The following GNPTG variants were observed in gnomAD, a reference collection of about 807,000 sequenced individuals.
The protein encoded by GNPTG is N-acetylglucosamine-1-phosphate transferase subunit gamma.
GNPTG carries 46 observed loss-of-function variants against 43.8 expected under a neutral mutation model. The ratio of observed to expected loss-of-function variants is 1.05; its 90% CI spans 0.83 to 1.34. The LOEUF is 1.34. Among genes scored for constraint, GNPTG ranks in the 40% most tolerant of loss-of-function variants. The pLI is 0.00. For missense variants in GNPTG, 549 were observed against 411.3 expected (o/e 1.33, Z -2.90); for synonymous variants, 250 against 172.8 (o/e 1.45, Z -3.50).
In GNPTG at chr16:1,363,095, T is replaced by C. The variant is rs755243924; in HGVS notation, c.*4T>C. ...AGGACTGCGTGGGAGTTTGTGACCT[T>C]GTGGTGGGAGAGCAGAGGTGGACGC... On this transcript the variant is annotated 3_prime_UTR_variant, in exon 11 of 11. Transcript: ENST00000204679. The C allele has an allele frequency of 2.5e-6, 4 of 1,613,424 alleles. No individual in the cohort carries two copies. In the African/African-American group the frequency reaches 5.3e-5, roughly 22 times the overall value.
chr16:1,361,858 ATC>A lies in GNPTG; in HGVS notation c.234-12_234-11del. 1 of 1,613,952 alleles carries A rather than the reference ATC, an allele frequency of 6.2e-7. No homozygotes were observed. Among genetic ancestry groups the A allele is most frequent in the Non-Finnish European group, 8.5e-7 (1 of 1,180,006 alleles). On this transcript the variant is annotated splice_polypyrimidine_tract_variant and intron_variant, in intron 4 of 10. Coordinates refer to ENST00000204679, the MANE Select transcript of GNPTG (RefSeq NM_032520.5). ...GCAGCCTGCGGACCCCCCTCATGCCATCTGTGTCCCCAGGTACAAGTATGAGT... is the reference window on the plus strand; with the variant it reads ...GCAGCCTGCGGACCCCCCTCATGCCATGTGTCCCCAGGTACAAGTATGAGT...
rs543484921 is a variant in GNPTG, at chr16:1,361,625, C to G, written c.179-118C>G. On this transcript the variant is annotated intron_variant, in intron 3 of 10. Transcript: ENST00000204679. ...TGCCACTGCACTCCAGCCTGGGTGA[C>G]AGAGTGAGACTCCATCTCAAAAAAA... is the stretch of plus-strand genomic sequence containing the variant. 270 of 1,012,732 alleles carry G rather than the reference C, an allele frequency of 2.7e-4. 6 individuals are homozygous for G. In the South Asian group the frequency reaches 3.6e-3, roughly 14 times the overall value. 62.7% of individuals were successfully genotyped at this position (1,012,732 alleles called of 1,614,324 possible). A position where few individuals can be genotyped will look rare whatever the true frequency, so the allele number is the denominator to read the frequency against.
At position 1,361,910 on chromosome 16, in the gene GNPTG, A is replaced by G; in HGVS notation, c.272A>G (p.Gln91Arg). 1 of 1,613,786 alleles carries G rather than the reference A, an allele frequency of 6.2e-7. No individual in the cohort carries two copies. The highest frequency in any genetic ancestry group is 8.5e-7 in the Non-Finnish European group (1 of 1,180,036). The change falls in exon 5 of 11, where the codon CAG becomes CGG. Residue 91 changes from glutamine (Q) to arginine (R), a missense_variant. Transcript: ENST00000204679. Reference protein sequence around the residue: ...YEFCPFHNVTQHEQTFRWNAY... With the variant: ...YEFCPFHNVTRHEQTFRWNAY... ...TTCTGCCCGTTCCACAACGTGACCC[A>G]GCACGAGCAGACCTTCCGCTGGAAC...
rs1356724851 is a variant in GNPTG at position 1,362,646 on chromosome 16, T to C, written c.645T>C (p.Asp215=). The change falls in exon 9 of 11, where the codon GAT becomes GAC. Residue 215 remains aspartate (D), a synonymous_variant. Transcript: ENST00000204679. ...HEKLLRTLFE[D]AGYLKTPEEN... ...AGTTGCTGAGGACACTTTTTGAGGA[T>C]GCTGGCTACTTAAAGACCCCAGAAG... 6.2e-7 allele frequency: 1 copy of C among 1,614,176 alleles called. No homozygotes were observed. The highest frequency in any genetic ancestry group is 8.5e-7 in the Non-Finnish European group (1 of 1,180,042).
intron 3 of GNPTG, among the ~76,000 whole-genome samples, chr16:1,355,265 C>G (rs971696702): frequency 2.0e-5 from 3 of 152,132 alleles, no homozygotes; most frequent in African/African-American, 7.2e-5. Context: ...TTTTTTCTGT[C>G]TTTGATGTAG....
chr16:1,353,462 T>C (rs191593912), intron 3 of GNPTG, among the ~76,000 whole-genome samples: 117 of 152,274 alleles, frequency 7.7e-4, no homozygotes, highest in African/African-American at 2.7e-3. Flanking sequence ...AAAAATGCCA[T>C]GTAGATGTGT....
chr16:1,353,117 G>A (rs1287542735), intron 3 of GNPTG, among the ~76,000 whole-genome samples: 2 of 152,012 alleles, frequency 1.3e-5, no homozygotes, highest in Non-Finnish European at 2.9e-5. Context: ...TCACAGGCAT[G>A]CATCACCATC....
At chr16:1,361,983 A>G (rs367754651) in intron 5 of GNPTG, 28 bp downstream of exon 5, 4 of 1,613,248 alleles carry the variant, frequency 2.5e-6, no homozygotes, top group Non-Finnish European at 3.4e-6. Context: ...AGGGATCCCA[A>G]AGCAGCAGCG....
At chr16:1,359,503 C>T (rs191271683) in intron 3 of GNPTG, among the ~76,000 whole-genome samples, 2 of 152,006 alleles carry the variant, frequency 1.3e-5, no homozygotes, top group Non-Finnish European at 2.9e-5. Context: ...CTCCTGACTT[C>T]GTGATCCGTC....
Position 1,362,714 on chromosome 16 carries a change from G to T in GNPTG, c.713G>T (p.Gly238Val). 1 of 1,614,058 alleles carries T rather than the reference G, an allele frequency of 6.2e-7. No individual in the cohort carries two copies. Among genetic ancestry groups the T allele is most frequent in the Non-Finnish European group, 8.5e-7 (1 of 1,180,034 alleles). ...TQLEGGPDSL[G>V]FETLENCRKA... ...CTGGAGGGAGGTCCTGACAGCTTGGGGTTTGAGACCCTGGAAAACTGCAGG... is the reference window on the plus strand; with the variant it reads ...CTGGAGGGAGGTCCTGACAGCTTGGTGTTTGAGACCCTGGAAAACTGCAGG... The change falls in exon 9 of 11, where the codon GGG (glycine) becomes GTG (valine). Residue 238 changes from glycine (G) to valine (V), a missense_variant. Physicochemically the swap from Gly to Val is moderately radical, Grantham distance 109 (BLOSUM62 -3). Transcript: ENST00000204679.
At chr16:1,359,091 C>G (rs1445872942) in intron 3 of GNPTG, 1 of 152,224 alleles carries the variant, frequency 6.6e-6, no homozygotes, top group Non-Finnish European at 1.5e-5. Flanking sequence ...CTCCTGACCT[C>G]ATGATCCGCC....
At chr16:1,360,827 C>G (rs1359038499) in intron 3 of GNPTG, 2 of 152,328 alleles carry the variant, frequency 1.3e-5, no homozygotes, top group African/African-American at 2.4e-5. Context: ...TCACCCTGCA[C>G]GAGGACCTCC....
In GNPTG at chr16:1,357,526, G is replaced by C. The variant is rs561015969; in HGVS notation, c.179-4217G>C. Among the ~76,000 whole-genome samples, 4 of 149,978 alleles carry C rather than the reference G, an allele frequency of 2.7e-5. No homozygotes were observed. In the South Asian group the frequency reaches 8.6e-4, roughly 32 times the overall value. The stretch of plus-strand genomic sequence containing the variant: ...ATTATTATTAGAGCCGAGTGTCGCT[G>C]TGTCGCCCAGGCTGGAGTGCTGTGT... On this transcript the variant is annotated intron_variant, in intron 3 of 10. Coordinates refer to ENST00000204679, the MANE Select transcript of GNPTG (RefSeq NM_032520.5).
At chr16:1,352,213 C>G in intron 2 of GNPTG, 26 bp from the exon 3 acceptor site, 1 of 1,551,144 alleles carries the variant, frequency 6.4e-7, no homozygotes, top group South Asian at 1.2e-5. Context: ...GGGCCCGTTC[C>G]CCGCTGACCT....
Position 1,352,120 on chromosome 16 carries a change from C to T in GNPTG, c.71C>T (p.Ala24Val). ...LSAGGPAPAG[A>V]AKMKVVEEPN... Reference sequence around the variant, plus strand: ...CCCGTAGGGCCCGCGCCGGCAGGTGCAGCGAAGATGAAGGTGGTGGAGGAG... The same window carrying T: ...CCCGTAGGGCCCGCGCCGGCAGGTGTAGCGAAGATGAAGGTGGTGGAGGAG... Residue 24 changes from alanine to valine, a missense_variant, in exon 2 of 11, where the codon GCA becomes GTA. Physicochemically the swap from Ala to Val is moderately conservative, Grantham distance 64. Transcript: ENST00000204679. 3 of 1,580,880 alleles carry T rather than the reference C, an allele frequency of 1.9e-6. No individual in the cohort carries two copies. The highest frequency in any genetic ancestry group is 2.6e-6 in the Non-Finnish European group (3 of 1,165,238).
At chr16:1,359,490 G>C (rs1315615205) in intron 3 of GNPTG, among the ~76,000 whole-genome samples, 4 of 150,384 alleles carry the variant, frequency 2.7e-5, no homozygotes, top group Admixed American at 1.3e-4. Flanking sequence ...GGATGGTCTC[G>C]ATCTCCTGAC....
At chr16:1,360,014 C>G (rs977357351) in intron 3 of GNPTG, among the ~76,000 whole-genome samples, 3 of 151,822 alleles carry the variant, frequency 2.0e-5, no homozygotes, top group Non-Finnish European at 2.9e-5. Flanking sequence ...GAGACTGAGG[C>G]GGGAAAATCG....
Position 1,361,789 on chromosome 16 carries a change from G to GGA in GNPTG, c.227_228dup (p.Thr78ProfsTer13). Reference sequence around the variant, plus strand: ...TCTCGGGCAAGTGCTTCAGCCTGGTGGAGTCCACGTGAGTGCAGGGTGGGT... The same window carrying GGA: ...TCTCGGGCAAGTGCTTCAGCCTGGTGGAGAGTCCACGTGAGTGCAGGGTGGGT... On this transcript the variant is annotated frameshift_variant, in exon 4 of 11. Transcript: ENST00000204679. LOFTEE classifies it high-confidence loss of function. The GGA allele has an allele frequency of 6.2e-7, 1 of 1,614,146 alleles. No individual in the cohort carries two copies.
intron 3 of GNPTG, among the ~76,000 whole-genome samples, chr16:1,354,111 A>G (rs983340566): frequency 6.6e-6 from 1 of 152,136 alleles, no homozygotes; most frequent in Non-Finnish European, 1.5e-5. Context: ...CTCAGAAGCC[A>G]TGGGATGGTG....
Sources: gnomAD v4.1 joint callset for allele counts (sites outside exome capture counted in the v4.1 genomes callset) on GRCh38, gnomAD v4.1.1 for gene constraint, MANE v1.5 for transcripts, NCBI Gene and HGNC (gene_info 2026-07-23, HGNC 2026-07-21) for gene names.